FRMD6: variants seen among roughly 807,000 people sequenced by gnomAD.
FRMD6 encodes the protein FERM domain containing 6, also known as FERM domain-containing protein 6.
FRMD6 carries 37 observed loss-of-function variants against 73.2 expected under a neutral mutation model. The ratio of observed to expected loss-of-function variants is 0.51; its 90% CI spans 0.39 to 0.66. The LOEUF (loss-of-function observed/expected upper bound fraction) is 0.66, where lower values mean the gene tolerates loss of function less well. Among genes scored for constraint, FRMD6 ranks in the 30% least tolerant of loss-of-function variants. FRMD6 has a pLI of 0.00. For missense variants in FRMD6, 714 were observed against 780.5 expected (o/e 0.91, Z 1.02); for synonymous variants, 273 against 282.2 (o/e 0.97, Z 0.33).
intron 1 of FRMD6, among the ~76,000 whole-genome samples, chr14:51,552,729 A>G (rs1886909815): frequency 6.6e-6 from 1 of 152,236 alleles, no homozygotes; most frequent in Non-Finnish European, 1.5e-5. Flanking sequence ...AAAATATGAA[A>G]CTATGCAAGC....
chr14:51,558,724 G>C (rs1206380900), intron 1 of FRMD6, among the ~76,000 whole-genome samples: 7 of 151,972 alleles, frequency 4.6e-5, no homozygotes, highest in Non-Finnish European at 1.0e-4. Flanking sequence ...ATAACATGTG[G>C]TAACATAGTA....
intron 2 of FRMD6, among the ~76,000 whole-genome samples, chr14:51,646,182 G>A (rs1400486692): frequency 1.3e-5 from 2 of 151,658 alleles, no homozygotes; most frequent in Non-Finnish European, 2.9e-5. Flanking sequence ...GCTGGGGGTG[G>A]TGGCACGCGC....
intron 2 of FRMD6, among the ~76,000 whole-genome samples, chr14:51,606,413 A>C (rs1890258688): frequency 6.6e-6 from 1 of 152,178 alleles, no homozygotes; most frequent in Non-Finnish European, 1.5e-5. Flanking sequence ...ATACACATGC[A>C]CATATGTACA....
the FRMD6 span, among the ~76,000 whole-genome samples, chr14:51,472,593 G>A: frequency 6.6e-6 from 1 of 152,122 alleles, no homozygotes; most frequent in African/African-American, 2.4e-5. Flanking sequence ...GTGAGCCTCC[G>A]CACCCAGCCT....
intron 1 of FRMD6, among the ~76,000 whole-genome samples, chr14:51,551,792 T>C (rs560667557): frequency 2.3e-4 from 35 of 151,856 alleles, no homozygotes; most frequent in Admixed American, 1.2e-3. Context: ...TTTATACAAA[T>C]ATACAAATAA....
intron 1 of FRMD6, among the ~76,000 whole-genome samples, chr14:51,655,140 T>C (rs1282817242): frequency 6.6e-6 from 1 of 151,982 alleles, no homozygotes; most frequent in Non-Finnish European, 1.5e-5. Flanking sequence ...AATTGGTCCT[T>C]GTTTGATGAT....
chr14:51,473,148 A>C, the FRMD6 span, among the ~76,000 whole-genome samples: 9 of 152,246 alleles, frequency 5.9e-5, no homozygotes, highest in African/African-American at 1.9e-4. Context: ...TGTGCTTCCC[A>C]CGTCAGGATA....
chr14:51,421,811 G>T, the FRMD6 span, among the ~76,000 whole-genome samples: 1 of 152,342 alleles, frequency 6.6e-6, no homozygotes, highest in Non-Finnish European at 1.5e-5. Flanking sequence ...AAACATCGTT[G>T]GCCCACACAT....
At chr14:51,530,184 G>A (rs1885498273) in intron 1 of FRMD6, among the ~76,000 whole-genome samples, 1 of 152,128 alleles carries the variant, frequency 6.6e-6, no homozygotes, top group African/African-American at 2.4e-5. Flanking sequence ...TATTACCTAT[G>A]TTCTTGAAGT....
chr14:51,707,790 G>A (rs1896710800), intron 6 of FRMD6, among the ~76,000 whole-genome samples: 1 of 152,030 alleles, frequency 6.6e-6, no homozygotes, highest in South Asian at 2.1e-4. Flanking sequence ...TTTGTGTAGT[G>A]TTTTTCTCTT....
At chr14:51,420,100 T>G in the FRMD6 span, among the ~76,000 whole-genome samples, 10 of 152,342 alleles carry the variant, frequency 6.6e-5, no homozygotes, top group African/African-American at 2.2e-4. Flanking sequence ...CCCAGGCATG[T>G]GCTCTTTGGT....
At chr14:51,447,931 T>C in the FRMD6 span, among the ~76,000 whole-genome samples, 1 of 152,248 alleles carries the variant, frequency 6.6e-6, no homozygotes, top group Non-Finnish European at 1.5e-5. Flanking sequence ...TTGGCAGTTA[T>C]GTACTGTCTT....
chr14:51,678,725 C>T, intron 1 of FRMD6, among the ~76,000 whole-genome samples: 1 of 151,788 alleles, frequency 6.6e-6, no homozygotes. Context: ...CCATGGGGAG[C>T]AGGAGAAAAA....
intron 1 of FRMD6, among the ~76,000 whole-genome samples, chr14:51,532,262 G>T (rs904566244): frequency 6.6e-6 from 1 of 151,600 alleles, no homozygotes; most frequent in African/African-American, 2.4e-5. Context: ...CCAGCTACTC[G>T]GGAGGATGAG....
chr14:51,441,802 C>A, the FRMD6 span, among the ~76,000 whole-genome samples: 23 of 152,154 alleles, frequency 1.5e-4, no homozygotes, highest in African/African-American at 4.8e-4. Flanking sequence ...TTTAAAAAAT[C>A]TTGTTGTGGG....
the FRMD6 span, among the ~76,000 whole-genome samples, chr14:51,453,777 G>T: frequency 6.6e-6 from 1 of 152,232 alleles, no homozygotes; most frequent in South Asian, 2.1e-4. Flanking sequence ...AATACTAAAA[G>T]TATTGCTTTT....
chr14:51,685,290 T>C (rs921327100), intron 1 of FRMD6, among the ~76,000 whole-genome samples: 1 of 152,190 alleles, frequency 6.6e-6, no homozygotes, highest in East Asian at 1.9e-4. Flanking sequence ...AAATATTGAC[T>C]CATTAGAGAT....
Position 51,519,187 on chromosome 14 carries a change from C to T in FRMD6, c.-210+29767C>T, listed in dbSNP as rs140387767. Among the ~76,000 whole-genome samples, 251 of 115,120 alleles carry T rather than the reference C, an allele frequency of 2.2e-3. 4 individuals are homozygous for T. In the East Asian group the frequency reaches 0.029, roughly 13 times the overall value. The allele number at this position is 115,120 out of a possible 152,430, so 75.5% of individuals were successfully genotyped here. ...CACCCCCCGCCCCCTGCCACCCCAA[C>T]GGAGTCTCACTCTGTCGCCCAGGCT... On this transcript the variant is annotated intron_variant, in intron 1 of 14. Transcript: ENST00000356218.
the FRMD6 span, among the ~76,000 whole-genome samples, chr14:51,411,713 A>G: frequency 2.0e-5 from 3 of 152,232 alleles, no homozygotes; most frequent in Non-Finnish European, 4.4e-5. Flanking sequence ...ACCAGGAGTT[A>G]ATTAAGAGGG....
Sources: allele counts gnomAD v4.1 joint callset (sites outside exome capture counted in the v4.1 genomes callset), GRCh38; gene constraint gnomAD v4.1.1; transcripts MANE v1.5; gene names NCBI Gene and HGNC (gene_info 2026-07-23, HGNC 2026-07-21).